Variants in ZFPM2 observed in about 807,000 individuals in gnomAD.
ZFPM2 encodes zinc finger protein ZFPM2.
In ZFPM2, 20 loss-of-function variants were observed where a neutral mutation model predicts 98.6. That is an observed-to-expected ratio of 0.20 (90% CI 0.14 to 0.29). The LOEUF (loss-of-function observed/expected upper bound fraction) is 0.29. Ranked by LOEUF, ZFPM2 falls within the 10% of genes least tolerant of loss-of-function variation. ZFPM2 has a pLI of 1.00. For missense variants in ZFPM2, 1,310 were observed against 1,388.6 expected, an observed-to-expected ratio of 0.94 and a Z score of 0.90; for synonymous variants, 518 against 502.7, an observed-to-expected ratio of 1.03 and a Z score of -0.41.
intron 5 of ZFPM2, among the ~76,000 whole-genome samples, chr8:105,691,609 C>G (rs776519354): frequency 6.6e-6 from 1 of 152,154 alleles, no homozygotes; most frequent in African/African-American, 2.4e-5. Context: ...CCACAGTTAC[C>G]TAATAATTTT....
intron 4 of ZFPM2, among the ~76,000 whole-genome samples, chr8:105,632,331 G>A (rs1816769879): frequency 6.6e-6 from 1 of 152,004 alleles, no homozygotes; most frequent in Non-Finnish European, 1.5e-5. Context: ...CATCACACCT[G>A]GCTAATTTGT....
intron 5 of ZFPM2, among the ~76,000 whole-genome samples, chr8:105,771,670 C>T (rs1316025986): frequency 1.3e-5 from 2 of 152,082 alleles, no homozygotes; most frequent in African/African-American, 4.8e-5. Context: ...TAAGATCACC[C>T]ACTCATCTGC....
At chr8:105,388,816 AC>A (rs1811051100) in intron 1 of ZFPM2, among the ~76,000 whole-genome samples, 1 of 151,978 alleles carries the variant, frequency 6.6e-6, no homozygotes, top group African/African-American at 2.4e-5. Context: ...TCCTCTTCCA[AC>A]CTGTGTGCTC....
Position 105,702,817 on chromosome 8 carries a change from C to G in ZFPM2, c.532+68460C>G, listed in dbSNP as rs1811169509. Among the ~76,000 whole-genome samples the G allele has an allele frequency of 4.6e-5, 7 of 152,182 alleles. No individual in the cohort carries two copies. The South Asian group carries it at 1.4e-3, about 32-fold the overall frequency. On this transcript the variant is annotated intron_variant, in intron 5 of 7. Coordinates refer to ENST00000407775, the MANE Select transcript of ZFPM2 (RefSeq NM_012082.4). ...TCAGTTTTGACAACCAGATCAGCAG[C>G]AGGAGAAAGTGAAGGCACTGCCTTG...
intron 4 of ZFPM2, among the ~76,000 whole-genome samples, chr8:105,584,466 C>T (rs1227655637): frequency 6.6e-6 from 1 of 152,102 alleles, no homozygotes; most frequent in Non-Finnish European, 1.5e-5. Flanking sequence ...GTATCAATTT[C>T]TTTTTCCCGT....
chr8:105,547,131 C>A (rs1317031820), intron 3 of ZFPM2, among the ~76,000 whole-genome samples: 1 of 152,302 alleles, frequency 6.6e-6, no homozygotes, highest in East Asian at 1.9e-4. Context: ...TATTTTTACT[C>A]TAGCTAAGAA....
intron 6 of ZFPM2, 139 bp from the exon 7 acceptor site, chr8:105,798,585 C>G: frequency 1.5e-6 from 1 of 678,774 alleles, no homozygotes; most frequent in Non-Finnish European, 2.5e-6. Flanking sequence ...TAGAACAACA[C>G]CAAAGACTGT....
At chr8:105,362,314 A>G (rs1389332259) in intron 1 of ZFPM2, among the ~76,000 whole-genome samples, 1 of 151,978 alleles carries the variant, frequency 6.6e-6, no homozygotes, top group African/African-American at 2.4e-5. Flanking sequence ...GTGAGGTGAC[A>G]ATAACTATAC....
intron 5 of ZFPM2, among the ~76,000 whole-genome samples, chr8:105,650,699 C>G (rs929247284): frequency 6.6e-6 from 1 of 152,160 alleles, no homozygotes; most frequent in African/African-American, 2.4e-5. Context: ...TAGTGAGTTT[C>G]TTAATCCTGA....
In ZFPM2 at chr8:105,509,715, T is replaced by A. The variant is rs565767066; in HGVS notation, c.302-51648T>A. ...AACTTTACATTATCCTTTTCTCTGT[T>A]CTCTCCTCACTTTTTATCATTTTTT... On this transcript the variant is annotated intron_variant, in intron 3 of 7. Transcript: ENST00000407775. 2.0e-5 allele frequency among the ~76,000 whole-genome samples: 3 copies of A among 152,260 alleles called. No homozygotes were observed. In the East Asian group the frequency reaches 5.8e-4, roughly 29 times the overall value.
intron 5 of ZFPM2, among the ~76,000 whole-genome samples, chr8:105,745,570 T>C (rs1436570919): frequency 6.6e-6 from 1 of 152,130 alleles, no homozygotes; most frequent in Non-Finnish European, 1.5e-5. Context: ...CCAGAATTTG[T>C]CATTTGTTAG....
intron 5 of ZFPM2, among the ~76,000 whole-genome samples, chr8:105,777,221 A>C: frequency 6.6e-6 from 1 of 152,230 alleles, no homozygotes; most frequent in East Asian, 1.9e-4. Flanking sequence ...TTCTATTGAC[A>C]TCAGAGGAAA....
intron 4 of ZFPM2, among the ~76,000 whole-genome samples, chr8:105,609,657 G>A (rs1244840580): frequency 6.6e-6 from 1 of 152,166 alleles, no homozygotes; most frequent in Non-Finnish European, 1.5e-5. Context: ...AGAGTAGACA[G>A]TGCCTGATGG....
chr8:105,525,607 A>G (rs577032632), intron 3 of ZFPM2, among the ~76,000 whole-genome samples: 2 of 152,328 alleles, frequency 1.3e-5, no homozygotes, highest in East Asian at 3.9e-4. Context: ...TTTCAAATAT[A>G]GAGTACTAGG....
intron 1 of ZFPM2, among the ~76,000 whole-genome samples, chr8:105,354,910 C>T (rs1299819924): frequency 6.6e-6 from 1 of 151,784 alleles, no homozygotes; most frequent in East Asian, 1.9e-4. Flanking sequence ...GCCGAGATGG[C>T]GCCACTGCAC....
intron 5 of ZFPM2, among the ~76,000 whole-genome samples, chr8:105,673,187 C>CTTTTTTTTTTTTTTTT (rs5893754): frequency 2.3e-5 from 2 of 87,526 alleles, no homozygotes; most frequent in African/African-American, 9.8e-5. Context: ...AAATAGCATG[C>CTTTTTTTTTTTTTTTT]TTTTTTTTTT....
intron 3 of ZFPM2, among the ~76,000 whole-genome samples, chr8:105,539,439 G>C (rs1194188982): frequency 6.6e-6 from 1 of 152,146 alleles, no homozygotes; most frequent in African/African-American, 2.4e-5. Context: ...GTGTCTTTCT[G>C]AACGTTTTCT....
chr8:105,340,885 G>A (rs1429912687), intron 1 of ZFPM2, among the ~76,000 whole-genome samples: 1 of 151,930 alleles, frequency 6.6e-6, no homozygotes, highest in African/African-American at 2.4e-5. Context: ...GTGACAAAGA[G>A]TAACTGTTGG....
At chr8:105,800,894 A>C (rs184567790) in intron 7 of ZFPM2, among the ~76,000 whole-genome samples, 153 bp from the exon 8 acceptor site, 4 of 152,336 alleles carry the variant, frequency 2.6e-5, no homozygotes, top group African/African-American at 7.2e-5. Flanking sequence ...ACACAGTAAG[A>C]GATGTCACAA....
Sources: gnomAD v4.1 joint callset for allele counts (sites outside exome capture counted in the v4.1 genomes callset) on GRCh38, gnomAD v4.1.1 for gene constraint, MANE v1.5 for transcripts, NCBI Gene and HGNC (gene_info 2026-07-23, HGNC 2026-07-21) for gene names.